The following THADA variants were observed in gnomAD, a reference collection of about 807,000 sequenced individuals.
The protein encoded by THADA is tRNA (32-2'-O)-methyltransferase regulator THADA.
In THADA, 213 loss-of-function variants were observed where a neutral mutation model predicts 219.8. That is an observed-to-expected ratio of 0.97 (90% CI 0.87 to 1.09). The LOEUF is 1.09. THADA is among the 50% of genes least tolerant of loss of function. The pLI, the probability that THADA is intolerant of heterozygous loss-of-function variation, is 0.00. For missense variants in THADA, 2,956 were observed against 2,311.3 expected, an observed-to-expected ratio of 1.28 and a Z score of -5.72; for synonymous variants, 1,018 against 828.9, an observed-to-expected ratio of 1.23 and a Z score of -3.92.
chr2:43,372,843 A>G (rs1389409710), intron 29 of THADA, among the ~76,000 whole-genome samples: 1 of 152,152 alleles, frequency 6.6e-6, no homozygotes, highest in Non-Finnish European at 1.5e-5. Context: ...CTGGGGTTAC[A>G]GGTGTGCGCC....
intron 29 of THADA, among the ~76,000 whole-genome samples, chr2:43,357,853 A>G (rs781461115): frequency 1.4e-4 from 21 of 152,214 alleles, no homozygotes; most frequent in Non-Finnish European, 2.5e-4. Flanking sequence ...TCAATGTTGT[A>G]TACTTCTGTA....
Position 43,505,220 on chromosome 2 carries a change from A to G in THADA, c.3621+402T>C, listed in dbSNP as rs1284332818. On this transcript the variant is annotated intron_variant, in intron 24 of 37. Coordinates refer to ENST00000405975, the MANE Select transcript of THADA (RefSeq NM_022065.5). ...TTCATAGATGCAACAGTATTATAAA[A>G]TATCTTATATAAGCTGGATGTTTTC... Among the ~76,000 whole-genome samples the G allele has an allele frequency of 2.6e-5, 4 of 152,344 alleles. No individual in the cohort carries two copies. In the East Asian group the frequency reaches 7.7e-4, roughly 29 times the overall value.
chr2:43,248,068 A>AAAG, intron 36 of THADA, among the ~76,000 whole-genome samples: 1 of 148,972 alleles, frequency 6.7e-6, no homozygotes, highest in Non-Finnish European at 1.5e-5. Context: ...AAACAAAAAA[A>AAAG]AAGTTGATAT....
At chr2:43,558,889 T>C (rs963635480) in intron 16 of THADA, among the ~76,000 whole-genome samples, 7 of 152,192 alleles carry the variant, frequency 4.6e-5, no homozygotes, top group African/African-American at 1.4e-4. Context: ...ATCAAAATCC[T>C]ATAGCAAACC....
chr2:43,570,315 T>C, intron 14 of THADA, 73 bp downstream of exon 14: 2 of 1,392,480 alleles, frequency 1.4e-6, no homozygotes, highest in East Asian at 2.4e-5. Context: ...TTCCATTTAT[T>C]TCCCTTTAAT....
rs867673710 is a variant in THADA, at chr2:43,271,763, C to T, written c.5296+8002G>A. Among the ~76,000 whole-genome samples the T allele has an allele frequency of 5.3e-5, 8 of 152,046 alleles. 1 individual carries two copies. In the South Asian group the frequency reaches 1.5e-3, roughly 28 times the overall value. On this transcript the variant is annotated intron_variant, in intron 36 of 37. Transcript: ENST00000405975. ...CCGAGTAGCTGGGATTACAGGCATG[C>T]ACCACCACGCCCAGCTAATTTTTGT...
intron 36 of THADA, among the ~76,000 whole-genome samples, chr2:43,238,927 G>T (rs1194340634): frequency 6.6e-6 from 1 of 152,028 alleles, no homozygotes; most frequent in African/African-American, 2.4e-5. Flanking sequence ...ACGTCAATGT[G>T]GGGAATAAAT....
At chr2:43,555,760 T>C (rs957142743) in intron 17 of THADA, among the ~76,000 whole-genome samples, 16 of 152,194 alleles carry the variant, frequency 1.1e-4, no homozygotes, top group Non-Finnish European at 1.6e-4. Flanking sequence ...TCTCTTTCTA[T>C]ATCTGATCTC....
intron 20 of THADA, among the ~76,000 whole-genome samples, chr2:43,548,884 G>A (rs1048103505): frequency 2.6e-5 from 4 of 152,102 alleles, no homozygotes; most frequent in African/African-American, 9.7e-5. Flanking sequence ...ACTGTCCTGC[G>A]CCCACTGTCT....
intron 36 of THADA, among the ~76,000 whole-genome samples, chr2:43,246,735 T>C (rs1181307655): frequency 6.6e-6 from 1 of 152,206 alleles, no homozygotes; most frequent in African/African-American, 2.4e-5. Context: ...GAATTTTATA[T>C]CTTGAAATGG....
chr2:43,474,676 T>C (rs1197366568), intron 26 of THADA, among the ~76,000 whole-genome samples: 3 of 152,092 alleles, frequency 2.0e-5, no homozygotes, highest in East Asian at 1.9e-4. Context: ...ATCAAGTGAA[T>C]TGAAGGAGGG....
chr2:43,538,643 G>C (rs1430422339), intron 21 of THADA: 1 of 152,202 alleles, frequency 6.6e-6, no homozygotes, highest in East Asian at 1.9e-4. Context: ...ACTGTGCCAT[G>C]TCAGAACACA....
intron 28 of THADA, chr2:43,408,517 T>G (rs1675875955): frequency 6.6e-6 from 1 of 152,228 alleles, no homozygotes; most frequent in Admixed American, 6.5e-5. Flanking sequence ...GTCATCAGCT[T>G]TAAGTGACTT....
At chr2:43,286,001 C>A (rs990182210) in intron 35 of THADA, among the ~76,000 whole-genome samples, 16 of 152,204 alleles carry the variant, frequency 1.1e-4, no homozygotes, top group African/African-American at 3.9e-4. Flanking sequence ...CTCAATACCA[C>A]CAAGTCCTGT....
At chr2:43,482,750 T>G (rs190904205) in intron 26 of THADA, among the ~76,000 whole-genome samples, 1 of 152,304 alleles carries the variant, frequency 6.6e-6, no homozygotes, top group African/African-American at 2.4e-5. Flanking sequence ...AGCACGGTCT[T>G]AAGAGCAAGA....
intron 35 of THADA, among the ~76,000 whole-genome samples, chr2:43,286,189 A>C (rs1047479200): frequency 6.6e-6 from 1 of 152,156 alleles, no homozygotes; most frequent in Non-Finnish European, 1.5e-5. Context: ...TAATTTAGAG[A>C]ACTGTTCCCT....
At position 43,560,257 on chromosome 2, in the gene THADA, A is replaced by G. The variant is rs199529134; in HGVS notation, c.2440T>C (p.Ser814Pro). ...ILAFDLLMKL[S>P]KTAVHFQDSG... ...ACCTGAAAATGTACAGCTGTTTTTG[A>G]TAACTTCATCAGAAGATCAAATGCT... The change falls in exon 16 of 38, where the codon TCA becomes CCA. Residue 814 changes from serine (S) to proline (P), a missense_variant. By Grantham distance (74) the Ser-to-Pro change is moderately conservative (BLOSUM62 -1). Transcript: ENST00000405975. 79 of 1,612,038 alleles carry G rather than the reference A, an allele frequency of 4.9e-5. 2 individuals carry two copies. The highest frequency in any genetic ancestry group is 6.4e-5 in the Non-Finnish European group (76 of 1,179,200).
chr2:43,553,305 A>G (rs976782556), intron 17 of THADA, among the ~76,000 whole-genome samples: 6 of 152,140 alleles, frequency 3.9e-5, no homozygotes, highest in East Asian at 1.9e-4. Flanking sequence ...CCCCACCCCA[A>G]TATTGGTATT....
intron 30 of THADA, among the ~76,000 whole-genome samples, chr2:43,340,745 C>G (rs1421739269): frequency 1.3e-5 from 2 of 151,934 alleles, no homozygotes; most frequent in African/African-American, 4.8e-5. Context: ...CATAAAAAAG[C>G]CTCTTCAGTA....
Sources: allele counts gnomAD v4.1 joint callset (sites outside exome capture counted in the v4.1 genomes callset), GRCh38; gene constraint gnomAD v4.1.1; transcripts MANE v1.5; gene names NCBI Gene and HGNC (gene_info 2026-07-23, HGNC 2026-07-21).